HS3ST3A1: variants seen among roughly 807,000 people sequenced by gnomAD.
HS3ST3A1 encodes heparan sulfate-glucosamine 3-sulfotransferase 3A1.
In HS3ST3A1, 19 loss-of-function variants were observed where a neutral mutation model predicts 25.7. The observed-to-expected ratio is 0.74, with a 90% CI of 0.52 to 1.08. The LOEUF (loss-of-function observed/expected upper bound fraction) is 1.08. Ranked by LOEUF, HS3ST3A1 falls within the 50% of genes least tolerant of loss-of-function variation. The pLI is 0.00. For missense variants in HS3ST3A1, 459 were observed against 594.3 expected (o/e 0.77, Z 2.37); for synonymous variants, 226 against 278.6 (o/e 0.81, Z 1.88).
intron 1 of HS3ST3A1, among the ~76,000 whole-genome samples, chr17:13,499,872 T>C (rs1032778208): frequency 1.3e-5 from 2 of 152,134 alleles, no homozygotes; most frequent in Non-Finnish European, 2.9e-5. Flanking sequence ...GGGATGGGTG[T>C]GGAGAGTTGG....
intron 1 of HS3ST3A1, among the ~76,000 whole-genome samples, chr17:13,535,937 C>A (rs1466698756): frequency 1.3e-5 from 2 of 152,094 alleles, no homozygotes; most frequent in Non-Finnish European, 2.9e-5. Context: ...TAGATTCTTT[C>A]ATTAAGATGA....
chr17:13,594,062 A>G (rs946171751), intron 1 of HS3ST3A1, among the ~76,000 whole-genome samples: 2 of 152,130 alleles, frequency 1.3e-5, no homozygotes, highest in African/African-American at 4.8e-5. Context: ...CTGGTCAAGT[A>G]TTTTGTAAAA....
rs1908757330 is a variant in HS3ST3A1, at chr17:13,601,846, G to A, written c.-717C>T. On this transcript the variant is annotated 5_prime_UTR_variant, in exon 1 of 2. Coordinates refer to ENST00000284110, the MANE Select transcript of HS3ST3A1 (RefSeq NM_006042.3). ...CACCTGTGAGCCGCGTGGCTGGGCT[G>A]GGCTGGGCTGCGCGGGACCTGTCAG... The A allele has an allele frequency of 6.5e-6, 1 of 153,810 alleles. No homozygotes were observed. The highest frequency in any genetic ancestry group is 2.1e-4 in the South Asian group (1 of 4,866). 9.5% of individuals were successfully genotyped at this position (153,810 alleles called of 1,614,324 possible).
At chr17:13,552,827 AG>A (rs1907280085) in intron 1 of HS3ST3A1, among the ~76,000 whole-genome samples, 1 of 152,170 alleles carries the variant, frequency 6.6e-6, no homozygotes. Flanking sequence ...ACTGGAGAAA[AG>A]TGATTCCCAC....
chr17:13,594,359 C>T (rs1179482778), intron 1 of HS3ST3A1, among the ~76,000 whole-genome samples: 2 of 152,130 alleles, frequency 1.3e-5, no homozygotes, highest in Admixed American at 6.5e-5. Flanking sequence ...GGCGCAGAAA[C>T]GCCTGTCCTG....
At chr17:13,537,663 T>C (rs1906811254) in intron 1 of HS3ST3A1, among the ~76,000 whole-genome samples, 2 of 152,344 alleles carry the variant, frequency 1.3e-5, no homozygotes, top group Non-Finnish European at 2.9e-5. Flanking sequence ...GGGTAGAAGA[T>C]TCATTTTTCA....
At chr17:13,517,895 C>T (rs750377388) in intron 1 of HS3ST3A1, among the ~76,000 whole-genome samples, 16 of 152,142 alleles carry the variant, frequency 1.1e-4, no homozygotes, top group Non-Finnish European at 2.2e-4. Context: ...CCATTGGCCT[C>T]GGCCTCCCAA....
At chr17:13,570,100 A>G (rs964710519) in intron 1 of HS3ST3A1, among the ~76,000 whole-genome samples, 1 of 152,224 alleles carries the variant, frequency 6.6e-6, no homozygotes, top group Non-Finnish European at 1.5e-5. Context: ...TAGAAGAAAA[A>G]TCTTCTAGAA....
chr17:13,588,850 A>T (rs1908348078), intron 1 of HS3ST3A1, among the ~76,000 whole-genome samples: 1 of 151,888 alleles, frequency 6.6e-6, no homozygotes, highest in Non-Finnish European at 1.5e-5. Flanking sequence ...CGCCCAGCTA[A>T]TTTTTTTGTA....
intron 1 of HS3ST3A1, among the ~76,000 whole-genome samples, chr17:13,514,182 T>G (rs1905978648): frequency 6.6e-6 from 1 of 152,032 alleles, no homozygotes; most frequent in Non-Finnish European, 1.5e-5. Flanking sequence ...TTAATGATAT[T>G]TATCCCTTGT....
At chr17:13,582,776 T>C (rs1908150602) in intron 1 of HS3ST3A1, among the ~76,000 whole-genome samples, 1 of 152,248 alleles carries the variant, frequency 6.6e-6, no homozygotes, top group Admixed American at 6.5e-5. Flanking sequence ...AGAAATCATA[T>C]TTAAAATACT....
intron 1 of HS3ST3A1, among the ~76,000 whole-genome samples, chr17:13,517,846 G>A (rs767420252): frequency 7.2e-5 from 11 of 152,132 alleles, no homozygotes; most frequent in Non-Finnish European, 1.3e-4. Context: ...GTTTTGCCAT[G>A]TTGGCTAGGC....
intron 1 of HS3ST3A1, among the ~76,000 whole-genome samples, chr17:13,558,601 T>C (rs1309875790): frequency 6.6e-6 from 1 of 152,206 alleles, no homozygotes; most frequent in African/African-American, 2.4e-5. Context: ...CCTGTAACTA[T>C]TCCAGTTTTA....
intron 1 of HS3ST3A1, among the ~76,000 whole-genome samples, chr17:13,540,850 C>T (rs1906911528): frequency 6.6e-6 from 1 of 152,182 alleles, no homozygotes; most frequent in Non-Finnish European, 1.5e-5. Context: ...GACCTCACAT[C>T]CTTATTTAAG....
chr17:13,504,727 C>T (rs778919306), intron 1 of HS3ST3A1, among the ~76,000 whole-genome samples: 73 of 152,122 alleles, frequency 4.8e-4, no homozygotes, highest in African/African-American at 1.7e-3. Context: ...AGGGTATTTG[C>T]GAAGCCCACT....
chr17:13,560,319 A>AAAAAAAAAAAAG (rs1907502490), intron 1 of HS3ST3A1, among the ~76,000 whole-genome samples: 2 of 143,922 alleles, frequency 1.4e-5, no homozygotes, highest in African/African-American at 2.6e-5. Context: ...AAAAAAAAAA[A>AAAAAAAAAAAAG]GTGTATTACC....
chr17:13,517,400 C>A (rs1313516161), intron 1 of HS3ST3A1, among the ~76,000 whole-genome samples: 1 of 152,020 alleles, frequency 6.6e-6, no homozygotes, highest in African/African-American at 2.4e-5. Flanking sequence ...GACATAATAA[C>A]AAATGTATTT....
At chr17:13,512,321 A>AAAAAAAAAAAAAAAC (rs1395357582) in intron 1 of HS3ST3A1, among the ~76,000 whole-genome samples, 37 of 144,758 alleles carry the variant, frequency 2.6e-4, no homozygotes, top group African/African-American at 7.9e-4. Flanking sequence ...AAAAAAAAAA[A>AAAAAAAAAAAAAAAC]AAAAAACTGC....
intron 1 of HS3ST3A1, among the ~76,000 whole-genome samples, chr17:13,557,816 A>C (rs963405232): frequency 6.6e-6 from 1 of 152,228 alleles, no homozygotes; most frequent in African/African-American, 2.4e-5. Context: ...AGGTCATTGA[A>C]TGTTTTGGAA....
Sources: gnomAD v4.1 joint callset for allele counts (sites outside exome capture counted in the v4.1 genomes callset) on GRCh38, gnomAD v4.1.1 for gene constraint, MANE v1.5 for transcripts, NCBI Gene and HGNC (gene_info 2026-07-23, HGNC 2026-07-21) for gene names.